LMLN: variants seen among roughly 807,000 people sequenced by gnomAD.
The protein encoded by LMLN is leishmanolysin like peptidase.
A neutral mutation model predicts 92.3 loss-of-function variants in LMLN; 70 were observed. That is an observed-to-expected ratio of 0.76 (90% confidence interval 0.63 to 0.92). The LOEUF (loss-of-function observed/expected upper bound fraction) is 0.92, where lower values mean the gene tolerates loss of function less well. Ranked by LOEUF, LMLN falls within the 40% of genes least tolerant of loss-of-function variation. The probability of loss-of-function intolerance (pLI) is 0.00; values close to 1 mark genes in which losing one functional copy is unlikely to be tolerated. For synonymous variants in LMLN, 308 were observed against 296.2 expected (o/e 1.04, Z -0.41); for missense variants, 691 against 814.6 (o/e 0.85, Z 1.85).
intron 1 of LMLN, among the ~76,000 whole-genome samples, chr3:197,961,643 C>A (rs1339888827): frequency 6.6e-6 from 1 of 152,174 alleles, no homozygotes; most frequent in Non-Finnish European, 1.5e-5. Flanking sequence ...AATACCCTGT[C>A]GTCCTCACTA....
At chr3:197,979,241 T>G (rs905742606) in intron 5 of LMLN, among the ~76,000 whole-genome samples, 2 of 151,918 alleles carry the variant, frequency 1.3e-5, no homozygotes, top group Non-Finnish European at 2.9e-5. Flanking sequence ...TGAGAATTTG[T>G]TTTTTTTCCC....
intron 15 of LMLN, among the ~76,000 whole-genome samples, chr3:198,037,965 G>A (rs572739761): frequency 6.6e-6 from 1 of 152,074 alleles, no homozygotes; most frequent in African/African-American, 2.4e-5. Context: ...TAGTCCTCTC[G>A]CTTGCATCCT....
chr3:197,978,015 A>G (rs1330805070), intron 5 of LMLN, among the ~76,000 whole-genome samples: 1 of 152,156 alleles, frequency 6.6e-6, no homozygotes, highest in Non-Finnish European at 1.5e-5. Flanking sequence ...GGATACATAT[A>G]AAAATCATCA....
intron 1 of LMLN, 110 bp downstream of exon 1, chr3:197,960,550 G>T (rs1016523247): frequency 1.0e-6 from 1 of 1,003,548 alleles, no homozygotes; most frequent in Non-Finnish European, 1.4e-6. Flanking sequence ...AAGCGAAATT[G>T]GGGCAGAGCC....
intron 13 of LMLN, 34 bp downstream of exon 14, chr3:198,021,639 A>C: frequency 6.4e-7 from 1 of 1,568,672 alleles, no homozygotes; most frequent in East Asian, 2.3e-5. Flanking sequence ...TATTATATAC[A>C]TATTAAAATT....
intron 14 of LMLN, among the ~76,000 whole-genome samples, chr3:198,027,065 TACCAAAGC>T: frequency 6.6e-6 from 1 of 152,174 alleles, no homozygotes; most frequent in Non-Finnish European, 1.5e-5. Context: ...CCTTGTCTGA[TACCAAAGC>T]ATTTATTTTA....
chr3:198,038,902 TCGTCAGCAACCCAAC>T, exon 16 of LMLN: 1 of 257,024 alleles, frequency 3.9e-6, no homozygotes, highest in African/African-American at 1.7e-4. Flanking sequence ...CCCAACCACC[TCGTCAGCAACCCAAC>T]CACCTCGTCA....
chr3:197,975,586 C>T (rs1442029401), intron 3 of LMLN, among the ~76,000 whole-genome samples: 1 of 152,040 alleles, frequency 6.6e-6, no homozygotes, highest in Non-Finnish European at 1.5e-5. Flanking sequence ...AAATTGATGA[C>T]TTTAATTAAA....
At chr3:197,996,706 C>T (rs1430671837) in intron 10 of LMLN, among the ~76,000 whole-genome samples, 1 of 152,158 alleles carries the variant, frequency 6.6e-6, no homozygotes, top group Non-Finnish European at 1.5e-5. Context: ...CTATGAGCTC[C>T]GTTTTAAAAA....
chr3:197,960,425 C>T (rs772750727), exon 1 of LMLN: 4 of 1,613,822 alleles, frequency 2.5e-6, no homozygotes, highest in South Asian at 1.1e-5. Flanking sequence ...GGCACCACGT[C>T]CCCTCTGACA....
intron 14 of LMLN, among the ~76,000 whole-genome samples, chr3:198,028,320 C>T (rs898047561): frequency 2.0e-5 from 3 of 152,176 alleles, no homozygotes; most frequent in Non-Finnish European, 4.4e-5. Context: ...TCTGGGTGTT[C>T]TACATTCTGT....
chr3:197,972,652 C>A (rs1000172906), intron 1 of LMLN, among the ~76,000 whole-genome samples: 2 of 152,048 alleles, frequency 1.3e-5, no homozygotes. Context: ...ATAATGGACA[C>A]CATAGATAAT....
Position 198,025,658 on chromosome 3 carries a change from C to A in LMLN, c.1656+870C>A, listed in dbSNP as rs559942223. 6.6e-6 allele frequency among the ~76,000 whole-genome samples: 1 copy of A among 152,364 alleles called. No homozygotes were observed. The highest frequency in any genetic ancestry group is 1.9e-4 in the East Asian group (1 of 5,182). On this transcript the variant is annotated intron_variant, in intron 14 of 15. Coordinates refer to ENST00000330198, the Ensembl canonical transcript of LMLN. The surrounding 1 kb of genome is among the most constrained non-coding windows in gnomAD (Gnocchi z 4.3). The stretch of plus-strand genomic sequence containing the variant: ...GTACTGGGATTATAGATGGCGGCCA[C>A]CATGCCTCGCCTACTATTTCCTTAA...
At chr3:197,975,245 T>G (rs1459788170) in intron 3 of LMLN, among the ~76,000 whole-genome samples, 173 bp downstream of exon 3, 1 of 152,218 alleles carries the variant, frequency 6.6e-6, no homozygotes, top group Non-Finnish European at 1.5e-5. Context: ...TCATGAAAAC[T>G]TTGTTGGTAT....
At chr3:197,968,715 C>T (rs1384789434) in intron 1 of LMLN, among the ~76,000 whole-genome samples, 2 of 152,198 alleles carry the variant, frequency 1.3e-5, no homozygotes, top group African/African-American at 4.8e-5. Flanking sequence ...TAATGCTGGT[C>T]TCATAGCATG....
chr3:197,965,976 A>G lies in LMLN; in HGVS notation c.219+5536A>G, dbSNP rs550841742. ...TACATGTGTATCTTTTCAGTTGCCT[A>G]CATTTACCTGTGTGTATGTGTGTGT... On this transcript the variant is annotated intron_variant, in intron 1 of 15. Coordinates refer to ENST00000330198, the Ensembl canonical transcript of LMLN. 7.2e-5 allele frequency among the ~76,000 whole-genome samples: 11 copies of G among 152,316 alleles called. No individual in the cohort carries two copies. The East Asian group carries it at 1.9e-3, about 27-fold the overall frequency.
intron 15 of LMLN, 113 bp downstream of exon 16, chr3:198,036,156 T>C: frequency 1.1e-6 from 1 of 892,188 alleles, no homozygotes; most frequent in South Asian, 1.6e-5. Flanking sequence ...GAGTTTCTTC[T>C]CTGCTGATTG....
exon 16 of LMLN, chr3:198,043,416 C>T (rs1723467492): frequency 6.6e-6 from 1 of 152,670 alleles, no homozygotes; most frequent in Non-Finnish European, 1.5e-5. Context: ...AGACGGGCCT[C>T]AGTCACAGTG....
At position 198,036,944 on chromosome 3, in the gene LMLN, T is replaced by C. The variant is rs35908830; in HGVS notation, c.1867+901T>C. ...GTCCATGGTGTGATGTGATTGAAAA[T>C]AGAGGGCCACACTCAGTTTTCAAGT... On this transcript the variant is annotated intron_variant, in intron 15 of 15. Coordinates refer to ENST00000330198, the Ensembl canonical transcript of LMLN. 5.6e-3 allele frequency among the ~76,000 whole-genome samples: 848 copies of C among 152,278 alleles called. 6 individuals are homozygous for C. The highest frequency in any genetic ancestry group is 7.7e-3 in the Non-Finnish European group (524 of 68,014).
Sources: allele counts gnomAD v4.1 joint callset (sites outside exome capture counted in the v4.1 genomes callset), GRCh38; gene constraint gnomAD v4.1.1; non-coding constraint Gnocchi (gnomAD v3.1); transcripts MANE v1.5; gene names NCBI Gene and HGNC (gene_info 2026-07-23, HGNC 2026-07-21).